Variants in CPSF6 observed in about 807,000 individuals in gnomAD.
CPSF6 encodes cleavage and polyadenylation specific factor 6.
A neutral mutation model predicts 56.7 loss-of-function variants in CPSF6; 10 were observed. That is an observed-to-expected ratio of 0.18 (90% CI 0.11 to 0.30). The LOEUF (loss-of-function observed/expected upper bound fraction) is 0.30, where lower values mean the gene tolerates loss of function less well. CPSF6 is among the 10% of genes least tolerant of loss of function. CPSF6 has a pLI of 1.00. For missense variants in CPSF6, 419 were observed against 722.9 expected (o/e 0.58, Z 4.82); for synonymous variants, 248 against 244.8 (o/e 1.01, Z -0.12).
At chr12:69,241,099 G>T (rs182876359) in intron 1 of CPSF6, among the ~76,000 whole-genome samples, 1 of 152,188 alleles carries the variant, frequency 6.6e-6, no homozygotes, top group East Asian at 1.9e-4. Context: ...TATTTTTCAG[G>T]AATGACTTTG....
Position 69,270,716 on chromosome 12 carries a change from A to T in CPSF6, c.*1208A>T, listed in dbSNP as rs1873202760. On this transcript the variant is annotated 3_prime_UTR_variant, in exon 10 of 10. Coordinates refer to ENST00000435070, the MANE Select transcript of CPSF6 (RefSeq NM_007007.3). ...TCATGCTATAGTTACTTAATCAAAGATTTTTTTCAAACCTGCCTTACATAT... is the reference window on the plus strand; with the variant it reads ...TCATGCTATAGTTACTTAATCAAAGTTTTTTTTCAAACCTGCCTTACATAT... 1 of 151,572 alleles carries T rather than the reference A, an allele frequency of 6.6e-6. No individual in the cohort carries two copies. 9.4% of individuals were successfully genotyped at this position (151,572 alleles called of 1,614,324 possible).
In CPSF6 at chr12:69,245,351, A is replaced by G. The variant is rs141658908; in HGVS notation, c.60+5645A>G. Among the ~76,000 whole-genome samples the G allele has an allele frequency of 7.2e-5, 11 of 152,304 alleles. No homozygotes were observed. In the East Asian group the frequency reaches 1.7e-3, roughly 24 times the overall value. On this transcript the variant is annotated intron_variant, in intron 1 of 9. Transcript: ENST00000435070. ...ATAATCTGACCACCTGGACCAAAAC[A>G]TTGTCATGCATGACTAAATTGTTCT... is the stretch of plus-strand genomic sequence containing the variant.
intron 1 of CPSF6, among the ~76,000 whole-genome samples, chr12:69,243,549 A>G (rs917980152): frequency 6.6e-6 from 1 of 152,224 alleles, no homozygotes; most frequent in Non-Finnish European, 1.5e-5. Flanking sequence ...ACTGTACTGA[A>G]TACTGTAGGC....
Position 69,249,168 on chromosome 12 carries a change from G to GGC in CPSF6, c.61-1960_61-1959dup, listed in dbSNP as rs1565644114. On this transcript the variant is annotated intron_variant, in intron 1 of 9. Transcript: ENST00000435070. ...CCAGCTACTCGGGGGGGGGGGGGGG[G>GGC]GCTGAGGCAGGAGAATGGCGTGAAC... Among the ~76,000 whole-genome samples the GGC allele has an allele frequency of 5.6e-4, 19 of 33,902 alleles. 5 individuals carry two copies. The highest frequency in any genetic ancestry group is 1.1e-3 in the Non-Finnish European group (16 of 15,156). 22.2% of individuals were successfully genotyped at this position (33,902 alleles called of 152,430 possible).
intron 1 of CPSF6, among the ~76,000 whole-genome samples, chr12:69,242,959 T>C (rs1055547242): frequency 3.3e-5 from 5 of 151,984 alleles, no homozygotes; most frequent in Non-Finnish European, 7.4e-5. Context: ...AATACAAAAA[T>C]TGGCCGAGTA....
Position 69,250,647 on chromosome 12 carries a change from G to GT in CPSF6, c.61-475dup, listed in dbSNP as rs1236650087. On this transcript the variant is annotated intron_variant, in intron 1 of 9. Transcript: ENST00000435070. ...GAAATAAAGGAAACCCCCTTTTTTT[G>GT]TTTTTTTGTTTTTTTTTGAGATGAA... 1.7e-4 allele frequency among the ~76,000 whole-genome samples: 10 copies of GT among 59,612 alleles called. 1 individual carries two copies. 39.1% of individuals were successfully genotyped at this position (59,612 alleles called of 152,430 possible).
rs1287888137 is a variant in CPSF6, at chr12:69,258,538, ATATCT to A, written c.695-48_695-44del. The A allele has an allele frequency of 1.3e-6, 2 of 1,511,492 alleles. No individual in the cohort carries two copies. The highest frequency in any genetic ancestry group is 2.3e-5 in the Admixed American group (1 of 43,724). 93.6% of individuals were successfully genotyped at this position (1,511,492 alleles called of 1,614,324 possible). On this transcript the variant is annotated intron_variant, in intron 5 of 9. Coordinates refer to ENST00000435070, the MANE Select transcript of CPSF6 (RefSeq NM_007007.3). The surrounding 1 kb of genome is among the most constrained non-coding windows in gnomAD (Gnocchi z 4.2). ...ATAATCTTGGCATATAAAAGTTAAA[ATATCT>A]TATTAGTGAAGTGTTTTTTTTTCTC... is the stretch of plus-strand genomic sequence containing the variant.
chr12:69,239,837 G>GCCGACCCCTGGCGTGGCGCCC (rs1871506005), intron 1 of CPSF6, 131 bp downstream of exon 1: 2 of 761,346 alleles, frequency 2.6e-6, no homozygotes, highest in Non-Finnish European at 3.5e-6. Context: ...GGGCCGCGCC[G>GCCGACCCCTGGCGTGGCGCCC]CCGACCCCTG....
intron 1 of CPSF6, among the ~76,000 whole-genome samples, chr12:69,249,762 C>T (rs1254730144): frequency 6.6e-6 from 1 of 152,104 alleles, no homozygotes; most frequent in Non-Finnish European, 1.5e-5. Context: ...CTGCTTTTAC[C>T]TACATTTCAT....
At position 69,271,509 on chromosome 12, in the gene CPSF6, T is replaced by A. The variant is rs1873240848; in HGVS notation, c.*2001T>A. ...ATGAAACTGGAAATTTTATACTAAT[T>A]AAATCCTTTATTTACCTTTTCATAT... On this transcript the variant is annotated 3_prime_UTR_variant, in exon 10 of 10. Transcript: ENST00000435070. The A allele has an allele frequency of 6.6e-6, 1 of 151,772 alleles. No individual in the cohort carries two copies. The highest frequency in any genetic ancestry group is 2.4e-5 in the African/African-American group (1 of 41,430). The allele number at this position is 151,772 out of a possible 1,614,324, so 9.4% of individuals were successfully genotyped here. A position where few individuals can be genotyped will look rare whatever the true frequency, so the allele number is the denominator to read the frequency against.
At chr12:69,252,915 G>A in intron 2 of CPSF6, 136 bp from the exon 3 acceptor site, 1 of 527,562 alleles carries the variant, frequency 1.9e-6, no homozygotes. Flanking sequence ...AGTCTGACTG[G>A]CCATAACTAG....
chr12:69,265,025 A>G (rs1322649971), intron 9 of CPSF6, among the ~76,000 whole-genome samples: 2 of 152,154 alleles, frequency 1.3e-5, no homozygotes, highest in Non-Finnish European at 2.9e-5. Context: ...CAAGTTCTTA[A>G]CTTTTTAACT....
rs1029079103 is a variant in CPSF6 at position 69,258,538 on chromosome 12, A to G, written c.695-52A>G. 2.6e-6 allele frequency: 4 copies of G among 1,511,612 alleles called. No homozygotes were observed. Among genetic ancestry groups the G allele is most frequent in the Non-Finnish European group, 3.5e-6 (4 of 1,134,568 alleles). 93.6% of individuals were successfully genotyped at this position (1,511,612 alleles called of 1,614,324 possible). A position where few individuals can be genotyped will look rare whatever the true frequency, so the allele number is the denominator to read the frequency against. ...ATAATCTTGGCATATAAAAGTTAAA[A>G]TATCTTATTAGTGAAGTGTTTTTTT... is the stretch of plus-strand genomic sequence containing the variant. On this transcript the variant is annotated intron_variant, in intron 5 of 9. Coordinates refer to ENST00000435070, the MANE Select transcript of CPSF6 (RefSeq NM_007007.3). The surrounding 1 kb of genome is among the most constrained non-coding windows in gnomAD (Gnocchi z 4.2).
intron 1 of CPSF6, among the ~76,000 whole-genome samples, chr12:69,239,927 C>T (rs1042651716): frequency 1.3e-5 from 2 of 149,558 alleles, no homozygotes; most frequent in African/African-American, 4.9e-5. Context: ...GGGCCCGGAG[C>T]GCGGACGCGG....
intron 9 of CPSF6, among the ~76,000 whole-genome samples, chr12:69,268,730 T>G (rs777384351): frequency 1.3e-4 from 20 of 151,780 alleles, no homozygotes; most frequent in Non-Finnish European, 2.8e-4. Flanking sequence ...CATATATATG[T>G]ATTCTTTAAA....
rs1400301684 is a variant in CPSF6 at position 69,270,888 on chromosome 12, AAT to A, written c.*1383_*1384del. The A allele has an allele frequency of 6.6e-6, 1 of 151,758 alleles. No homozygotes were observed. The highest frequency in any genetic ancestry group is 2.4e-5 in the African/African-American group (1 of 41,416). 9.4% of individuals were successfully genotyped at this position (151,758 alleles called of 1,614,324 possible). A position where few individuals can be genotyped will look rare whatever the true frequency, so the allele number is the denominator to read the frequency against. On this transcript the variant is annotated 3_prime_UTR_variant, in exon 10 of 10. Coordinates refer to ENST00000435070, the MANE Select transcript of CPSF6 (RefSeq NM_007007.3). ...TTGACTTAAAATTCTTGAGCACGTT[AAT>A]ATGTTTTTAAGATCTGATTATCTTT... is the stretch of plus-strand genomic sequence containing the variant.
intron 1 of CPSF6, among the ~76,000 whole-genome samples, chr12:69,246,274 A>G (rs902101174): frequency 2.0e-5 from 3 of 152,200 alleles, no homozygotes; most frequent in Non-Finnish European, 2.9e-5. Flanking sequence ...ATTAATGAAA[A>G]TAAATTTCTT....
rs922859080 is a variant in CPSF6, at chr12:69,271,542, A to G, written c.*2034A>G. 5.3e-5 allele frequency: 8 copies of G among 151,726 alleles called. No individual in the cohort carries two copies. Among genetic ancestry groups the G allele is most frequent in the African/African-American group, 1.4e-4 (6 of 41,396 alleles). 9.4% of individuals were successfully genotyped at this position (151,726 alleles called of 1,614,324 possible). A position where few individuals can be genotyped will look rare whatever the true frequency, so the allele number is the denominator to read the frequency against. On this transcript the variant is annotated 3_prime_UTR_variant, in exon 10 of 10. Transcript: ENST00000435070. The stretch of plus-strand genomic sequence containing the variant: ...TTATTTACCTTTTCATATTTTATCA[A>G]TGGAACCTTTTAATTGCTCCTTCTA...
At chr12:69,265,383 C>T (rs1872924993) in intron 9 of CPSF6, among the ~76,000 whole-genome samples, 1 of 152,126 alleles carries the variant, frequency 6.6e-6, no homozygotes, top group Non-Finnish European at 1.5e-5. Context: ...TTCCTCTTGT[C>T]ACTTCTTTGG....
Sources: allele counts gnomAD v4.1 joint callset (sites outside exome capture counted in the v4.1 genomes callset), GRCh38; gene constraint gnomAD v4.1.1; non-coding constraint Gnocchi (gnomAD v3.1); transcripts MANE v1.5; gene names NCBI Gene and HGNC (gene_info 2026-07-23, HGNC 2026-07-21).